PDE1C: variants seen among roughly 807,000 people sequenced by gnomAD.
PDE1C encodes the protein dual specificity calcium/calmodulin-dependent 3',5'-cyclic nucleotide phosphodiesterase 1C.
In PDE1C, 62 loss-of-function variants were observed where a neutral mutation model predicts 93.1. The ratio of observed to expected loss-of-function variants is 0.67; its 90% CI spans 0.54 to 0.82. The LOEUF is 0.82. Among genes scored for constraint, PDE1C ranks in the 40% least tolerant of loss-of-function variants. The pLI is 0.00. For missense variants in PDE1C, 742 were observed against 884.6 expected, an observed-to-expected ratio of 0.84 and a Z score of 2.04; for synonymous variants, 325 against 310.1, an observed-to-expected ratio of 1.05 and a Z score of -0.50.
chr7:31,671,289 C>A, the PDE1C span, among the ~76,000 whole-genome samples: 5 of 152,278 alleles, frequency 3.3e-5, no homozygotes, highest in African/African-American at 1.2e-4. Flanking sequence ...ACGGGGCCAG[C>A]ATGGATTCGT....
At chr7:32,347,780 C>T (rs1783883378) in intron 1 of PDE1C, among the ~76,000 whole-genome samples, 1 of 152,120 alleles carries the variant, frequency 6.6e-6, no homozygotes, top group Admixed American at 6.5e-5. Flanking sequence ...CAAAATCTGC[C>T]AATAATTTTG....
intron 2 of PDE1C, among the ~76,000 whole-genome samples, chr7:32,204,833 C>T (rs1269158065): frequency 6.6e-6 from 1 of 152,234 alleles, no homozygotes; most frequent in Admixed American, 6.5e-5. Context: ...ACTCTCCCAG[C>T]TCCTCCTACC....
chr7:31,880,835 CTAAT>C lies in PDE1C; in HGVS notation c.150_153del (p.Leu51ArgfsTer8). The C allele has an allele frequency of 1.2e-6, 2 of 1,610,222 alleles. No individual in the cohort carries two copies. The highest frequency in any genetic ancestry group is 1.7e-6 in the Non-Finnish European group (2 of 1,176,662). ...TCTACCACTGAAGCTTCCCCTCTCT[CTAAT>C]TGTTTGACCAAAGACCGTAATCTAG... is the stretch of plus-strand genomic sequence containing the variant. On this transcript the variant is annotated frameshift_variant, in exon 3 of 18. Coordinates refer to ENST00000396191, the MANE Select transcript of PDE1C (RefSeq NM_001191057.4). LOFTEE classifies it high-confidence loss of function.
chr7:32,118,297 C>A, intron 3 of PDE1C, among the ~76,000 whole-genome samples: 1 of 152,196 alleles, frequency 6.6e-6, no homozygotes, highest in East Asian at 1.9e-4. Flanking sequence ...ATGTGATCAC[C>A]GTGGACTTAA....
intron 2 of PDE1C, among the ~76,000 whole-genome samples, chr7:31,904,111 T>G (rs1298383574): frequency 6.6e-6 from 1 of 152,126 alleles, no homozygotes; most frequent in African/African-American, 2.4e-5. Context: ...TTTTCTTGGT[T>G]TCATGACTAA....
At chr7:32,383,916 T>C (rs1187709668) in intron 1 of PDE1C, among the ~76,000 whole-genome samples, 3 of 152,214 alleles carry the variant, frequency 2.0e-5, no homozygotes, top group Non-Finnish European at 4.4e-5. Flanking sequence ...TTTGAAATTA[T>C]GAAATGAGGA....
At chr7:31,757,360 A>G (rs1377176792) in intron 17 of PDE1C, among the ~76,000 whole-genome samples, 1 of 152,196 alleles carries the variant, frequency 6.6e-6, no homozygotes, top group Non-Finnish European at 1.5e-5. Context: ...TATGATGATC[A>G]TGTTCTAGTC....
At chr7:31,784,532 C>T (rs774208379) in intron 16 of PDE1C, 2 of 151,328 alleles carry the variant, frequency 1.3e-5, no homozygotes, top group Non-Finnish European at 2.9e-5. Flanking sequence ...TGTGTTTGTA[C>T]GTGCTAAAAT....
chr7:31,630,350 C>T, the PDE1C span, among the ~76,000 whole-genome samples: 1 of 151,800 alleles, frequency 6.6e-6, no homozygotes, highest in Non-Finnish European at 1.5e-5. Flanking sequence ...CTTTAATCCT[C>T]ACTTAAGTCT....
chr7:31,675,214 G>T, the PDE1C span, among the ~76,000 whole-genome samples: 1 of 152,144 alleles, frequency 6.6e-6, no homozygotes, highest in Non-Finnish European at 1.5e-5. Flanking sequence ...ATGATTTCCT[G>T]ATCTTGGATC....
At chr7:32,006,461 G>C (rs1039826519) in intron 2 of PDE1C, among the ~76,000 whole-genome samples, 2 of 152,184 alleles carry the variant, frequency 1.3e-5, no homozygotes, top group Admixed American at 1.3e-4. Flanking sequence ...ATGTTCACAG[G>C]GGAAATAAGC....
intron 1 of PDE1C, among the ~76,000 whole-genome samples, chr7:32,245,828 G>C (rs548336985): frequency 6.6e-6 from 1 of 152,234 alleles, no homozygotes; most frequent in East Asian, 1.9e-4. Context: ...ACTAGCAAGC[G>C]CTCTGGGGTC....
intron 2 of PDE1C, among the ~76,000 whole-genome samples, chr7:31,885,885 A>G (rs758934): frequency 1 from 151,908 of 152,346 alleles, 75,737 homozygotes; most frequent in East Asian, 1. Flanking sequence ...TTTGTTGAGC[A>G]TTAGACCCTA....
chr7:32,162,483 C>T lies in PDE1C; in HGVS notation c.308+7302G>A, dbSNP rs140421506. ...AAAAACAAATGAGTAAAAAGCTGAG[C>T]GAGGCTGAGAAAGCCATCAGACCTG... is the stretch of plus-strand genomic sequence containing the variant. On this transcript the variant is annotated intron_variant, in intron 3 of 18. Transcript: ENST00000396193. Among the ~76,000 whole-genome samples, 1,199 of 152,140 alleles carry T rather than the reference C, an allele frequency of 7.9e-3. 9 individuals are homozygous for T. Among genetic ancestry groups the T allele is most frequent in the African/African-American group, 0.027 (1,141 of 41,506 alleles).
intron 1 of PDE1C, among the ~76,000 whole-genome samples, chr7:32,210,201 G>A (rs1349778099): frequency 6.6e-6 from 1 of 152,162 alleles, no homozygotes; most frequent in Non-Finnish European, 1.5e-5. Flanking sequence ...TATAACTTAT[G>A]AACCCATTGT....
the PDE1C span, among the ~76,000 whole-genome samples, chr7:31,660,617 T>C: frequency 6.6e-6 from 1 of 152,130 alleles, no homozygotes; most frequent in Non-Finnish European, 1.5e-5. Context: ...GAGCACAAAA[T>C]TTTTTGAAGA....
At position 32,254,098 on chromosome 7, in the gene PDE1C, C is replaced by T. The variant is rs73306648; in HGVS notation, c.85+44553G>A. On this transcript the variant is annotated intron_variant, in intron 1 of 18. Coordinates refer to the PDE1C transcript ENST00000396193. The stretch of plus-strand genomic sequence containing the variant: ...ACTGAAACAATGAAATGAGGCGATA[C>T]GGGGCGTATCAGAGGATCTGGACTG... Among the ~76,000 whole-genome samples, 1,473 of 152,212 alleles carry T rather than the reference C, an allele frequency of 9.7e-3. 28 individuals carry two copies. The highest frequency in any genetic ancestry group is 0.034 in the African/African-American group (1,422 of 41,526).
intron 3 of PDE1C, among the ~76,000 whole-genome samples, chr7:32,083,679 A>C (rs1489470210): frequency 6.6e-6 from 1 of 152,212 alleles, no homozygotes; most frequent in South Asian, 2.1e-4. Flanking sequence ...AAGCCAGAAG[A>C]GAGTGGGGTC....
intron 1 of PDE1C, chr7:32,052,414 A>C: frequency 2.2e-6 from 1 of 451,302 alleles, no homozygotes; most frequent in South Asian, 1.6e-5. Context: ...ATGTTGTCCC[A>C]ATATCCCAAA....
Sources: allele counts gnomAD v4.1 joint callset (sites outside exome capture counted in the v4.1 genomes callset), GRCh38; gene constraint gnomAD v4.1.1; transcripts MANE v1.5; gene names NCBI Gene and HGNC (gene_info 2026-07-23, HGNC 2026-07-21).